BRCC3: variants seen among roughly 807,000 people sequenced by gnomAD.
The protein encoded by BRCC3 is BRCA1/BRCA2-containing complex subunit 3, also known as lys-63-specific deubiquitinase BRCC36.
BRCC3 carries 15 observed loss-of-function variants against 28.0 expected under a neutral mutation model. The observed-to-expected ratio is 0.54, with a 90% CI of 0.36 to 0.82. The LOEUF is 0.82. BRCC3 is among the 40% of genes least tolerant of loss of function. BRCC3 has a pLI of 0.01. For synonymous variants in BRCC3, 66 were observed against 80.3 expected, an observed-to-expected ratio of 0.82 and a Z score of 0.95; for missense variants, 109 against 225.9, an observed-to-expected ratio of 0.48 and a Z score of 3.32.
intron 7 of BRCC3, among the ~76,000 whole-genome samples, chrX:155,100,004 G>A (rs1283761554): frequency 9.0e-6 from 1 of 111,335 alleles, no homozygotes; most frequent in Non-Finnish European, 1.9e-5. Flanking sequence ...AATTTTTAAG[G>A]TTATTACTCG....
At chrX:155,104,835 A>G (rs1259989716) in intron 7 of BRCC3, among the ~76,000 whole-genome samples, 1 of 112,900 alleles carries the variant, frequency 8.9e-6, no homozygotes, top group Admixed American at 9.3e-5. Flanking sequence ...TTATTGAGGT[A>G]TAATTAACAT....
Position 155,117,213 on chromosome X carries a change from C to T in BRCC3, c.724+459C>T, listed in dbSNP as rs782126975. Reference sequence around the variant, plus strand: ...TGAATTGGTTCCAGCATAACACTACCAGCCTGTCGTGGTGGGAACTGAAAG... The same window carrying T: ...TGAATTGGTTCCAGCATAACACTACTAGCCTGTCGTGGTGGGAACTGAAAG... On this transcript the variant is annotated intron_variant, in intron 9 of 10. Transcript: ENST00000330045. Among the ~76,000 whole-genome samples the T allele has an allele frequency of 4.5e-5, 5 of 111,911 alleles. No individual in the cohort carries two copies. In the South Asian group the frequency reaches 1.1e-3, roughly 25 times the overall value.
intron 5 of BRCC3, among the ~76,000 whole-genome samples, chrX:155,084,976 T>G (rs2074111998): frequency 9.0e-6 from 1 of 111,354 alleles, no homozygotes; most frequent in Non-Finnish European, 1.9e-5. Flanking sequence ...TCTCTTAAAA[T>G]TTTTTTTTAA....
At position 155,116,705 on chromosome X, in the gene BRCC3, C is replaced by A. The variant is rs1557298833; in HGVS notation, c.681-6C>A. ...TGCCACTAACCTAAACTATTTTATTCTTTAGCCTTACACATCTGGACTCAG... is the reference window on the plus strand; with the variant it reads ...TGCCACTAACCTAAACTATTTTATTATTTAGCCTTACACATCTGGACTCAG... On this transcript the variant is annotated splice_region_variant and splice_polypyrimidine_tract_variant and intron_variant, in intron 8 of 10. Coordinates refer to ENST00000330045, the MANE Select transcript of BRCC3 (RefSeq NM_001018055.3). 1 of 1,169,660 alleles carries A rather than the reference C, an allele frequency of 8.5e-7. No homozygotes were observed. Among genetic ancestry groups the A allele is most frequent in the South Asian group, 1.9e-5 (1 of 52,598 alleles).
At chrX:155,084,571 G>T (rs1043304500) in intron 5 of BRCC3, among the ~76,000 whole-genome samples, 4 of 111,771 alleles carry the variant, frequency 3.6e-5, no homozygotes, top group African/African-American at 1.3e-4. Flanking sequence ...CACTGTGTTA[G>T]CCAGTATGGT....
intron 5 of BRCC3, among the ~76,000 whole-genome samples, chrX:155,088,661 C>T (rs782483216): frequency 9.0e-6 from 1 of 111,481 alleles, no homozygotes; most frequent in East Asian, 2.8e-4. Flanking sequence ...CCGTTTTTGG[C>T]ATTTAATATT....
At chrX:155,071,989 G>A in intron 1 of BRCC3, among the ~76,000 whole-genome samples, 1 of 111,964 alleles carries the variant, frequency 8.9e-6, no homozygotes. Flanking sequence ...GGATGTCCGG[G>A]TATTACGACG....
chrX:155,086,747 A>G (rs782648346), intron 5 of BRCC3, among the ~76,000 whole-genome samples: 10 of 111,670 alleles, frequency 9.0e-5, no homozygotes, highest in Non-Finnish European at 1.1e-4. Context: ...GAATTACCCT[A>G]GTGTTGGCCA....
intron 5 of BRCC3, among the ~76,000 whole-genome samples, chrX:155,082,431 G>T (rs1207474780): frequency 8.9e-6 from 1 of 112,029 alleles, no homozygotes; most frequent in Non-Finnish European, 1.9e-5. Flanking sequence ...GGGTGAGGTA[G>T]GACAAGCACA....
intron 7 of BRCC3, among the ~76,000 whole-genome samples, chrX:155,106,740 G>GT (rs1319319630): frequency 8.9e-6 from 1 of 112,468 alleles, no homozygotes; most frequent in African/African-American, 3.2e-5. Context: ...AGAAATGTAA[G>GT]TAGCAGTGAG....
At chrX:155,090,748 G>T in intron 6 of BRCC3, 36 bp from the exon 7 acceptor site, 1 of 1,098,326 alleles carries the variant, frequency 9.1e-7, no homozygotes, top group Non-Finnish European at 1.2e-6. Context: ...ATCTTTCTTT[G>T]TGTGATATTT....
intron 6 of BRCC3, among the ~76,000 whole-genome samples, chrX:155,089,727 C>T (rs2074162671): frequency 9.0e-6 from 1 of 111,665 alleles, no homozygotes; most frequent in Non-Finnish European, 1.9e-5. Context: ...GGAAGTGTCC[C>T]AGTTTGAATG....
chrX:155,104,730 C>CT (rs2074267439), intron 7 of BRCC3, among the ~76,000 whole-genome samples: 1 of 113,030 alleles, frequency 8.8e-6, no homozygotes, highest in Admixed American at 9.3e-5. Context: ...CAGTTTACCT[C>CT]TGAGTTCAAC....
chrX:155,105,440 G>GCACA (rs2074276802), intron 7 of BRCC3, among the ~76,000 whole-genome samples: 2 of 111,629 alleles, frequency 1.8e-5, no homozygotes, highest in African/African-American at 6.5e-5. Flanking sequence ...CCGAGATTGT[G>GCACA]CCACTGCCCT....
At chrX:155,118,260 CAT>C (rs1416980246) in intron 9 of BRCC3, among the ~76,000 whole-genome samples, 1 of 111,762 alleles carries the variant, frequency 8.9e-6, no homozygotes, top group Non-Finnish European at 1.9e-5. Flanking sequence ...ACTACTGAAA[CAT>C]GAACAAAAAG....
intron 3 of BRCC3, 115 bp downstream of exon 3, chrX:155,073,546 T>A: frequency 1.2e-6 from 1 of 863,169 alleles, no homozygotes; most frequent in Non-Finnish European, 1.6e-6. Flanking sequence ...TTCTTTCTAG[T>A]AAAATCAGAT....
intron 3 of BRCC3, among the ~76,000 whole-genome samples, chrX:155,074,847 C>G (rs1011800330): frequency 4.5e-5 from 5 of 111,341 alleles, no homozygotes; most frequent in Non-Finnish European, 5.7e-5. Flanking sequence ...TCTTGTGTCT[C>G]TTATTAGTGG....
chrX:155,103,154 T>G, intron 7 of BRCC3, among the ~76,000 whole-genome samples: 1 of 112,774 alleles, frequency 8.9e-6, no homozygotes, highest in Non-Finnish European at 1.9e-5. Context: ...CCTCCTGGCC[T>G]TTGTGCCATT....
chrX:155,103,249 G>T (rs1396219894), intron 7 of BRCC3, among the ~76,000 whole-genome samples: 1 of 112,111 alleles, frequency 8.9e-6, no homozygotes, highest in Non-Finnish European at 1.9e-5. Context: ...AAAAGTCTTT[G>T]TATTTAACCA....
Sources: allele counts gnomAD v4.1 joint callset (sites outside exome capture counted in the v4.1 genomes callset), GRCh38; gene constraint gnomAD v4.1.1; transcripts MANE v1.5; gene names NCBI Gene and HGNC (gene_info 2026-07-23, HGNC 2026-07-21).